SLC36A1: variants seen among roughly 807,000 people sequenced by gnomAD.
SLC36A1 encodes proton-coupled amino acid transporter 1.
A neutral mutation model predicts 47.5 loss-of-function variants in SLC36A1; 30 were observed. That is an observed-to-expected ratio of 0.63 (90% CI 0.47 to 0.86). SLC36A1 has a LOEUF of 0.86. SLC36A1 is among the 40% of genes least tolerant of loss of function. SLC36A1 has a pLI of 0.00. For missense variants in SLC36A1, 517 were observed against 606.0 expected (o/e 0.85, Z 1.54); for synonymous variants, 255 against 249.7 (o/e 1.02, Z -0.20).
chr5:151,486,371 C>G (rs1759547350), intron 10 of SLC36A1, among the ~76,000 whole-genome samples: 1 of 133,010 alleles, frequency 7.5e-6, no homozygotes, highest in Non-Finnish European at 1.6e-5. Context: ...GGAGGGGATC[C>G]AAACCATATT....
chr5:151,545,175 T>C, the SLC36A1 span: 1 of 1,614,216 alleles, frequency 6.2e-7, no homozygotes, highest in Non-Finnish European at 8.5e-7. Context: ...CCAGTGCCTT[T>C]CTGTCCTGCA....
At chr5:151,388,500 T>TAA in the SLC36A1 span, among the ~76,000 whole-genome samples, 1 of 39,304 alleles carries the variant, frequency 2.5e-5, no homozygotes, top group Non-Finnish European at 4.2e-5. Flanking sequence ...AAACTCCATC[T>TAA]CAAAAGAAAA....
chr5:151,362,980 A>G, the SLC36A1 span, among the ~76,000 whole-genome samples: 1 of 152,110 alleles, frequency 6.6e-6, no homozygotes. Flanking sequence ...GTTCCCGTGT[A>G]CTGTTATTTC....
chr5:151,468,703 G>A (rs999496220), intron 7 of SLC36A1, among the ~76,000 whole-genome samples: 20 of 151,266 alleles, frequency 1.3e-4, no homozygotes, highest in African/African-American at 4.4e-4. Context: ...GGGCAAAATC[G>A]CCCCCCCACC....
chr5:151,377,442 G>A, the SLC36A1 span, among the ~76,000 whole-genome samples: 6 of 144,512 alleles, frequency 4.2e-5, no homozygotes, highest in Admixed American at 1.4e-4. Context: ...TCCGCCTCCC[G>A]GGTTCACGCC....
At chr5:151,483,841 C>G (rs532757115) in intron 10 of SLC36A1, among the ~76,000 whole-genome samples, 2 of 152,124 alleles carry the variant, frequency 1.3e-5, no homozygotes, top group African/African-American at 2.4e-5. Flanking sequence ...TGCAGTGTCA[C>G]GCTTCATGTA....
chr5:151,529,408 G>A, the SLC36A1 span: 1 of 1,611,924 alleles, frequency 6.2e-7, no homozygotes, highest in Non-Finnish European at 8.5e-7. Flanking sequence ...GAAGCAAGAG[G>A]TGACAGCAGC....
the SLC36A1 span, among the ~76,000 whole-genome samples, chr5:151,383,532 T>TG: frequency 6.6e-6 from 1 of 151,458 alleles, no homozygotes; most frequent in Non-Finnish European, 1.5e-5. Flanking sequence ...AGCTGCACTT[T>TG]TTTTTCTGCA....
chr5:151,373,256 G>A, the SLC36A1 span, among the ~76,000 whole-genome samples: 1 of 151,696 alleles, frequency 6.6e-6, no homozygotes, highest in Non-Finnish European at 1.5e-5. Flanking sequence ...AACATCATGA[G>A]ACCTCGTCTA....
At chr5:151,367,374 T>TTTTTTTTTTTTTTTTTTTCC in the SLC36A1 span, among the ~76,000 whole-genome samples, 2 of 145,466 alleles carry the variant, frequency 1.4e-5, no homozygotes, top group African/African-American at 5.2e-5. Context: ...TTTTTTTTTT[T>TTTTTTTTTTTTTTTTTTTCC]CCCCAGGGTA....
chr5:151,384,512 A>G, the SLC36A1 span, among the ~76,000 whole-genome samples: 2 of 152,274 alleles, frequency 1.3e-5, no homozygotes, highest in Middle Eastern at 3.2e-3. Context: ...TTTACAATGC[A>G]TCAGACAATA....
At chr5:151,537,123 C>T in the SLC36A1 span, among the ~76,000 whole-genome samples, 14 of 151,536 alleles carry the variant, frequency 9.2e-5, no homozygotes, top group African/African-American at 3.4e-4. Flanking sequence ...CAAATATTCC[C>T]ATAGCTAGCA....
intron 1 of SLC36A1, among the ~76,000 whole-genome samples, chr5:151,448,223 A>T (rs542789313): frequency 6.8e-4 from 103 of 152,280 alleles, no homozygotes; most frequent in African/African-American, 2.4e-3. Context: ...TACTCCGGGA[A>T]GGGGTAAGGG....
the SLC36A1 span, among the ~76,000 whole-genome samples, chr5:151,515,509 T>C: frequency 6.6e-6 from 1 of 152,072 alleles, no homozygotes; most frequent in Non-Finnish European, 1.5e-5. Flanking sequence ...AACTTACACA[T>C]CCGAAACTGC....
chr5:151,521,447 C>A, the SLC36A1 span: 1 of 1,614,182 alleles, frequency 6.2e-7, no homozygotes, highest in Admixed American at 1.7e-5. Flanking sequence ...CGCATCTGAA[C>A]CCCCACTGAA....
chr5:151,522,629 G>T, the SLC36A1 span, among the ~76,000 whole-genome samples: 2 of 152,198 alleles, frequency 1.3e-5, no homozygotes, highest in African/African-American at 4.8e-5. Flanking sequence ...AAATAACTTG[G>T]ATAAAATGCT....
the SLC36A1 span, among the ~76,000 whole-genome samples, chr5:151,349,889 A>C: frequency 1.3e-5 from 2 of 152,192 alleles, no homozygotes; most frequent in South Asian, 4.1e-4. Flanking sequence ...TGCCAAGTTC[A>C]TCAGGTGATT....
intron 1 of SLC36A1, among the ~76,000 whole-genome samples, chr5:151,456,501 A>G (rs1376317729): frequency 2.0e-5 from 3 of 152,252 alleles, no homozygotes; most frequent in African/African-American, 7.2e-5. Context: ...TTACGAGCTT[A>G]TACCTGTATA....
the SLC36A1 span, among the ~76,000 whole-genome samples, chr5:151,517,424 TA>T: frequency 6.6e-6 from 1 of 152,212 alleles, no homozygotes. Flanking sequence ...TCCTTGGACG[TA>T]TATCTCCAGG....
Sources: gnomAD v4.1 joint callset for allele counts (sites outside exome capture counted in the v4.1 genomes callset) on GRCh38, gnomAD v4.1.1 for gene constraint, MANE v1.5 for transcripts, NCBI Gene and HGNC (gene_info 2026-07-23, HGNC 2026-07-21) for gene names.